Variants in PHACTR3 observed in about 807,000 individuals in gnomAD.
PHACTR3 encodes protein phosphatase 1, regulatory subunit 123.
In PHACTR3, 16 loss-of-function variants were observed where a neutral mutation model predicts 66.8. That is an observed-to-expected ratio of 0.24 (90% CI 0.16 to 0.36). PHACTR3 has a LOEUF of 0.36. PHACTR3 is among the 10% of genes least tolerant of loss of function. PHACTR3 has a pLI of 1.00. For missense variants in PHACTR3, 647 were observed against 719.9 expected, an observed-to-expected ratio of 0.90 and a Z score of 1.16; for synonymous variants, 323 against 292.1, an observed-to-expected ratio of 1.11 and a Z score of -1.08.
Position 59,806,161 on chromosome 20 carries a change from A to G in PHACTR3, c.1295A>G (p.Glu432Gly). 6.2e-7 allele frequency: 1 copy of G among 1,614,220 alleles called. No individual in the cohort carries two copies. Among genetic ancestry groups the G allele is most frequent in the East Asian group, 2.2e-5 (1 of 44,884 alleles). ...FPRRTDEERQ[E>G]IRQQIEMKLS... The stretch of plus-strand genomic sequence containing the variant: ...AGAAGGACTGATGAAGAAAGACAGG[A>G]GATCCGGCAGCAGATCGAGATGAAG... Residue 432 changes from glutamate to glycine, a missense_variant, in exon 8 of 13, where the codon GAG becomes GGG. By Grantham distance (98) the Glu-to-Gly change is moderately conservative. Transcript: ENST00000371015.
intron 9 of PHACTR3, among the ~76,000 whole-genome samples, chr20:59,837,266 T>C (rs1259612348): frequency 6.6e-6 from 1 of 152,260 alleles, no homozygotes; most frequent in Non-Finnish European, 1.5e-5. Flanking sequence ...AAGTGTCTTC[T>C]AATGGCTTGG....
chr20:59,841,621 A>G (rs1376905984), intron 11 of PHACTR3, 86 bp downstream of exon 11: 57 of 1,404,856 alleles, frequency 4.1e-5, no homozygotes, highest in Non-Finnish European at 4.6e-5. Context: ...TTCATAGACA[A>G]TGGGAGCCCT....
chr20:59,643,667 C>T (rs2035183112), intron 1 of PHACTR3, among the ~76,000 whole-genome samples: 1 of 152,172 alleles, frequency 6.6e-6, no homozygotes, highest in Non-Finnish European at 1.5e-5. Context: ...CTTGGCAGTG[C>T]AGGGGAACTT....
chr20:59,831,890 G>A (rs950598429), intron 8 of PHACTR3, among the ~76,000 whole-genome samples: 19 of 152,326 alleles, frequency 1.2e-4, no homozygotes, highest in Admixed American at 5.9e-4. Context: ...TTCATGACTC[G>A]TTCAACCTGA....
intron 1 of PHACTR3, among the ~76,000 whole-genome samples, chr20:59,650,659 C>T (rs775816135): frequency 2.0e-5 from 3 of 150,030 alleles, no homozygotes; most frequent in Non-Finnish European, 2.9e-5. Context: ...AGCAATGCTT[C>T]TCCAGGCCTT....
intron 1 of PHACTR3, among the ~76,000 whole-genome samples, chr20:59,737,238 T>A (rs2038976518): frequency 6.6e-6 from 1 of 152,088 alleles, no homozygotes; most frequent in Admixed American, 6.5e-5. Flanking sequence ...CCTGTCACAG[T>A]CGGTCAGTCG....
chr20:59,703,022 T>C (rs2037563641), intron 1 of PHACTR3, among the ~76,000 whole-genome samples: 1 of 152,236 alleles, frequency 6.6e-6, no homozygotes, highest in Non-Finnish European at 1.5e-5. Flanking sequence ...TTTTAAATGC[T>C]ACTTCTCTCC....
intron 8 of PHACTR3, among the ~76,000 whole-genome samples, chr20:59,825,599 A>G (rs1381857193): frequency 6.6e-6 from 1 of 152,200 alleles, no homozygotes. Context: ...GAAGGCCACA[A>G]AATACACAAA....
intron 1 of PHACTR3, among the ~76,000 whole-genome samples, chr20:59,692,885 G>A (rs2426815): frequency 0.7 from 105,930 of 152,198 alleles, 38,797 homozygotes; most frequent in East Asian, 0.95. Context: ...AACTTTTGGG[G>A]CATTGTCTGG....
chr20:59,656,999 CAATT>C (rs2035639435), intron 1 of PHACTR3, among the ~76,000 whole-genome samples: 1 of 151,944 alleles, frequency 6.6e-6, no homozygotes, highest in Non-Finnish European at 1.5e-5. Flanking sequence ...TACATTGTTA[CAATT>C]AATTATTACT....
At chr20:59,632,233 G>A (rs1199390185) in intron 1 of PHACTR3, among the ~76,000 whole-genome samples, 1 of 152,150 alleles carries the variant, frequency 6.6e-6, no homozygotes, top group Non-Finnish European at 1.5e-5. Flanking sequence ...AGCTAGGGGA[G>A]GTCCTAGTAG....
chr20:59,753,944 C>G (rs778242709), intron 3 of PHACTR3, among the ~76,000 whole-genome samples: 3 of 152,150 alleles, frequency 2.0e-5, no homozygotes, highest in South Asian at 4.1e-4. Flanking sequence ...CAGGATGGGA[C>G]GTGTGTGGAA....
chr20:59,646,465 CAAAAG>C (rs1406895268), intron 1 of PHACTR3, among the ~76,000 whole-genome samples: 2 of 152,066 alleles, frequency 1.3e-5, no homozygotes, highest in East Asian at 3.9e-4. Context: ...TTTTCCCTGT[CAAAAG>C]AAAGTACCTT....
intron 1 of PHACTR3, among the ~76,000 whole-genome samples, chr20:59,672,350 C>T (rs754586721): frequency 6.6e-6 from 1 of 152,236 alleles, no homozygotes; most frequent in South Asian, 2.1e-4. Flanking sequence ...AGTTTCCCAT[C>T]TCTAAAGTGG....
chr20:59,585,610 C>T (rs986115688), intron 1 of PHACTR3, among the ~76,000 whole-genome samples: 17 of 152,156 alleles, frequency 1.1e-4, no homozygotes, highest in East Asian at 1.9e-4. Flanking sequence ...CAGTGACTGG[C>T]GCATTTTTGT....
At chr20:59,757,728 A>C (rs1453348443) in intron 4 of PHACTR3, among the ~76,000 whole-genome samples, 2 of 152,204 alleles carry the variant, frequency 1.3e-5, no homozygotes, top group Non-Finnish European at 2.9e-5. Flanking sequence ...AAGACAGGAG[A>C]ATCACTTGAA....
At chr20:59,715,468 T>C (rs1198845600) in intron 1 of PHACTR3, among the ~76,000 whole-genome samples, 1 of 152,236 alleles carries the variant, frequency 6.6e-6, no homozygotes, top group Non-Finnish European at 1.5e-5. Flanking sequence ...ATTTCTAGAT[T>C]AAACCTAACT....
intron 1 of PHACTR3, among the ~76,000 whole-genome samples, chr20:59,649,629 G>A (rs2035395173): frequency 6.6e-6 from 1 of 152,112 alleles, no homozygotes; most frequent in Non-Finnish European, 1.5e-5. Context: ...CCAATTAAGA[G>A]CTTAGATGCC....
chr20:59,625,221 C>A (rs2034401138), intron 1 of PHACTR3, among the ~76,000 whole-genome samples: 1 of 152,050 alleles, frequency 6.6e-6, no homozygotes, highest in South Asian at 2.1e-4. Flanking sequence ...CTGCAGAGAT[C>A]TCTCTGGAAT....
Sources: allele counts gnomAD v4.1 joint callset (sites outside exome capture counted in the v4.1 genomes callset), GRCh38; gene constraint gnomAD v4.1.1; transcripts MANE v1.5; gene names NCBI Gene and HGNC (gene_info 2026-07-23, HGNC 2026-07-21).